IL20RA: variants seen among roughly 807,000 people sequenced by gnomAD.
IL20RA encodes the protein interleukin-20 receptor subunit alpha.
In IL20RA, 29 loss-of-function variants were observed where a neutral mutation model predicts 36.5. The observed-to-expected ratio is 0.79, with a 90% CI of 0.59 to 1.08. The LOEUF (loss-of-function observed/expected upper bound fraction) is 1.08. Among genes scored for constraint, IL20RA ranks in the 50% least tolerant of loss-of-function variants. The pLI, the probability that IL20RA is intolerant of heterozygous loss-of-function variation, is 0.00. For missense variants in IL20RA, 652 were observed against 668.4 expected (o/e 0.98, Z 0.27); for synonymous variants, 279 against 267.1 (o/e 1.04, Z -0.43).
intron 3 of IL20RA, among the ~76,000 whole-genome samples, chr6:137,010,300 C>A (rs754989649): frequency 6.6e-6 from 1 of 152,268 alleles, no homozygotes; most frequent in Non-Finnish European, 1.5e-5. Flanking sequence ...TGCTGTATTG[C>A]GAAAGCAATC....
intron 6 of IL20RA, among the ~76,000 whole-genome samples, chr6:137,002,890 C>T (rs570984857): frequency 1.3e-5 from 2 of 152,222 alleles, no homozygotes; most frequent in East Asian, 3.9e-4. Flanking sequence ...GGTTTTTACC[C>T]CTTACACCAT....
At chr6:137,006,827 G>A (rs770900483) in intron 5 of IL20RA, among the ~76,000 whole-genome samples, 3 of 151,684 alleles carry the variant, frequency 2.0e-5, no homozygotes, top group African/African-American at 4.9e-5. Context: ...AGGCTCAGGT[G>A]ATCCTCCCAT....
At chr6:137,031,990 T>C (rs181300717) in intron 1 of IL20RA, among the ~76,000 whole-genome samples, 8 of 147,512 alleles carry the variant, frequency 5.4e-5, no homozygotes, top group Admixed American at 3.4e-4. Flanking sequence ...GAGGCAGAGG[T>C]TGTAGTGAGC....
intron 3 of IL20RA, 102 bp from the exon 4 acceptor site, chr6:137,009,594 CTTTTTTTTTTTTTTT>C (rs3041892): frequency 2.3e-5 from 9 of 388,064 alleles, no homozygotes; most frequent in Admixed American, 5.2e-5. Context: ...AAAAGACATC[CTTTTTTTTTTTTTTT>C]TTTTTTTTTT....
At chr6:137,027,338 C>T (rs1776128161) in intron 1 of IL20RA, among the ~76,000 whole-genome samples, 2 of 152,224 alleles carry the variant, frequency 1.3e-5, no homozygotes, top group Admixed American at 1.3e-4. Context: ...CACCACCTCA[C>T]TATTATTTCT....
chr6:137,042,164 G>T (rs939204274), intron 1 of IL20RA, among the ~76,000 whole-genome samples: 7 of 152,216 alleles, frequency 4.6e-5, no homozygotes, highest in East Asian at 1.9e-4. Context: ...TCTCCAGTAG[G>T]AACTTCCAGA....
At chr6:137,022,442 C>A (rs1179953627) in intron 1 of IL20RA, among the ~76,000 whole-genome samples, 1 of 152,122 alleles carries the variant, frequency 6.6e-6, no homozygotes, top group Non-Finnish European at 1.5e-5. Context: ...TAGATATGGA[C>A]ACATATATTT....
In IL20RA at chr6:137,009,486, A is replaced by G. The variant is rs541826030; in HGVS notation, c.410T>C (p.Ile137Thr). The part of the protein sequence containing the change: ...GRFYPFLETQ[I>T]GPPEVALTTD... ...AGTCAGTGCCACCTCTGGTGGGCCA[A>G]TTTGTGCTTAAAGGGGGAGAAAGAG... The change falls in exon 4 of 7, where the codon ATT becomes ACT. Residue 137 changes from isoleucine (I) to threonine (T), a missense_variant. By Grantham distance (89) the Ile-to-Thr change is moderately conservative (BLOSUM62 -1). Transcript: ENST00000316649. 1 of 1,604,800 alleles carries G rather than the reference A, an allele frequency of 6.2e-7. No individual in the cohort carries two copies. Among genetic ancestry groups the G allele is most frequent in the Non-Finnish European group, 8.5e-7 (1 of 1,171,688 alleles).
In IL20RA at chr6:137,001,885, C is replaced by G; in HGVS notation, c.1335G>C (p.Thr445=). The change falls in exon 7 of 7, where the codon ACG becomes ACC. Residue 445 remains threonine, a synonymous_variant. Coordinates refer to ENST00000316649, the MANE Select transcript of IL20RA (RefSeq NM_014432.4). ...QAALAVLGPQ[T]LQYSYTPQLQ... is the part of the protein sequence containing the mutation. ...GCTGAGGGGTGTATGAGTACTGTAA[C>G]GTTTGCGGGCCCAAGACTGCCAACG... 6.2e-7 allele frequency: 1 copy of G among 1,613,656 alleles called. No individual in the cohort carries two copies.
chr6:137,003,713 C>T (rs1301681177), intron 6 of IL20RA, among the ~76,000 whole-genome samples: 1 of 152,192 alleles, frequency 6.6e-6, no homozygotes, highest in Non-Finnish European at 1.5e-5. Context: ...TGAGGCCTAG[C>T]TCCTTAGAAC....
At chr6:137,012,634 ATG>A (rs1442076389) in intron 2 of IL20RA, among the ~76,000 whole-genome samples, 1 of 152,188 alleles carries the variant, frequency 6.6e-6, no homozygotes, top group African/African-American at 2.4e-5. Flanking sequence ...GCATGAATGA[ATG>A]ATCCATGGAA....
At chr6:137,031,893 A>G (rs1776298024) in intron 1 of IL20RA, among the ~76,000 whole-genome samples, 1 of 152,022 alleles carries the variant, frequency 6.6e-6, no homozygotes, top group Non-Finnish European at 1.5e-5. Flanking sequence ...CATCTCTACT[A>G]AACAAAAATT....
At chr6:137,024,193 C>G (rs905383119) in intron 1 of IL20RA, among the ~76,000 whole-genome samples, 17 of 152,090 alleles carry the variant, frequency 1.1e-4, no homozygotes, top group Non-Finnish European at 1.9e-4. Context: ...AACTAGTATT[C>G]TCTTTAGTTT....
chr6:137,041,600 A>C (rs1776694056), intron 1 of IL20RA, among the ~76,000 whole-genome samples: 1 of 152,172 alleles, frequency 6.6e-6, no homozygotes, highest in Middle Eastern at 3.2e-3. Flanking sequence ...CTTCTCAGTG[A>C]AATAAAATAC....
intron 1 of IL20RA, among the ~76,000 whole-genome samples, chr6:137,043,873 A>G (rs1047695282): frequency 1.3e-5 from 2 of 152,294 alleles, no homozygotes; most frequent in African/African-American, 2.4e-5. Context: ...AAATACAGGG[A>G]AAAAAAGCAA....
At chr6:137,005,756 T>C (rs900114617) in intron 5 of IL20RA, among the ~76,000 whole-genome samples, 1 of 152,094 alleles carries the variant, frequency 6.6e-6, no homozygotes, top group African/African-American at 2.4e-5. Context: ...ATCCAATCAA[T>C]TGAAGACTTT....
intron 1 of IL20RA, among the ~76,000 whole-genome samples, chr6:137,025,105 C>G (rs1255743200): frequency 6.6e-6 from 1 of 152,212 alleles, no homozygotes; most frequent in Admixed American, 6.5e-5. Context: ...TGTGTCCCCT[C>G]TCAGTGTTTA....
At chr6:137,006,451 T>C (rs1775285208) in intron 5 of IL20RA, among the ~76,000 whole-genome samples, 3 of 152,142 alleles carry the variant, frequency 2.0e-5, no homozygotes, top group Admixed American at 2.0e-4. Context: ...CCTGTCCTAA[T>C]TGAAAAAAGT....
chr6:137,042,751 T>C (rs1157838316), intron 1 of IL20RA: 1 of 152,078 alleles, frequency 6.6e-6, no homozygotes, highest in Non-Finnish European at 1.5e-5. Flanking sequence ...TTTTTAGAAG[T>C]TTAAAAAATG....
Sources: allele counts gnomAD v4.1 joint callset (sites outside exome capture counted in the v4.1 genomes callset), GRCh38; gene constraint gnomAD v4.1.1; transcripts MANE v1.5; gene names NCBI Gene and HGNC (gene_info 2026-07-23, HGNC 2026-07-21).